The following PPP1R9A variants were observed in gnomAD, a reference collection of about 807,000 sequenced individuals.
The protein encoded by PPP1R9A is protein phosphatase 1 regulatory subunit 9A.
PPP1R9A carries 59 observed loss-of-function variants against 141.9 expected under a neutral mutation model. The observed-to-expected ratio is 0.42, with a 90% confidence interval of 0.34 to 0.52. PPP1R9A has a LOEUF of 0.52. Ranked by LOEUF, PPP1R9A falls within the 20% of genes least tolerant of loss-of-function variation. The pLI is 0.10. For missense variants in PPP1R9A, 1,444 were observed against 1,611.9 expected, an observed-to-expected ratio of 0.90 and a Z score of 1.78; for synonymous variants, 500 against 569.7, an observed-to-expected ratio of 0.88 and a Z score of 1.74.
intron 12 of PPP1R9A, among the ~76,000 whole-genome samples, chr7:95,255,570 A>G (rs1309720399): frequency 1.3e-5 from 2 of 152,286 alleles, no homozygotes; most frequent in African/African-American, 2.4e-5. Flanking sequence ...GAAAGTGGCT[A>G]CTAGGCAGAA....
chr7:94,968,864 T>C (rs1798543950), intron 2 of PPP1R9A, among the ~76,000 whole-genome samples: 1 of 152,064 alleles, frequency 6.6e-6, no homozygotes, highest in African/African-American at 2.4e-5. Context: ...TCTCTAATCT[T>C]GTCTTCATGC....
At chr7:95,011,469 C>A (rs1219777398) in intron 2 of PPP1R9A, among the ~76,000 whole-genome samples, 4 of 152,154 alleles carry the variant, frequency 2.6e-5, no homozygotes, top group Non-Finnish European at 4.4e-5. Context: ...AAAGTAATCA[C>A]TATATATGTG....
intron 2 of PPP1R9A, among the ~76,000 whole-genome samples, chr7:94,945,181 C>G (rs1209396845): frequency 1.3e-5 from 2 of 152,112 alleles, no homozygotes; most frequent in Middle Eastern, 3.4e-3. Flanking sequence ...TGTGTTAGGT[C>G]TCTCAGCTCT....
chr7:95,115,416 T>C (rs1250806328), intron 3 of PPP1R9A, among the ~76,000 whole-genome samples: 1 of 152,116 alleles, frequency 6.6e-6, no homozygotes, highest in Non-Finnish European at 1.5e-5. Flanking sequence ...AACCAGATGA[T>C]TCTATTGTAC....
chr7:95,151,484 T>G (rs532392593), intron 4 of PPP1R9A, among the ~76,000 whole-genome samples: 172 of 152,230 alleles, frequency 1.1e-3, no homozygotes, highest in Non-Finnish European at 2.0e-3. Flanking sequence ...GATGACTAAG[T>G]GGAGCACAGA....
chr7:95,215,184 T>A (rs1793066370), intron 7 of PPP1R9A, among the ~76,000 whole-genome samples: 1 of 140,914 alleles, frequency 7.1e-6, no homozygotes, highest in Admixed American at 7.7e-5. Flanking sequence ...AGTGTTCTCA[T>A]TGTTCAATTC....
At chr7:95,287,122 A>T in intron 18 of PPP1R9A, 1 of 1,613,354 alleles carries the variant, frequency 6.2e-7, no homozygotes, top group Non-Finnish European at 8.5e-7. Flanking sequence ...CCTGGATATG[A>T]TAGATGACGA....
chr7:95,193,759 C>T (rs111446181), intron 5 of PPP1R9A, among the ~76,000 whole-genome samples: 77 of 152,140 alleles, frequency 5.1e-4, no homozygotes, highest in Non-Finnish European at 9.4e-4. Context: ...TTTCTTAAGA[C>T]ACTTTCATTC....
At chr7:95,080,973 G>C (rs960178558) in intron 2 of PPP1R9A, among the ~76,000 whole-genome samples, 1 of 152,092 alleles carries the variant, frequency 6.6e-6, no homozygotes, top group Admixed American at 6.6e-5. Context: ...TTATCAGGCA[G>C]GTCAATTTAC....
intron 7 of PPP1R9A, among the ~76,000 whole-genome samples, chr7:95,213,572 C>A (rs1792610010): frequency 6.6e-6 from 1 of 152,086 alleles, no homozygotes; most frequent in African/African-American, 2.4e-5. Context: ...GATCCACCCA[C>A]CTCAGCCTTC....
At chr7:95,156,726 G>T (rs1380690281) in intron 4 of PPP1R9A, 1 of 152,302 alleles carries the variant, frequency 6.6e-6, no homozygotes, top group African/African-American at 2.4e-5. Context: ...TTAGCTCTCA[G>T]CAGAGAGGTG....
intron 2 of PPP1R9A, among the ~76,000 whole-genome samples, chr7:95,051,204 G>T (rs563343197): frequency 2.6e-5 from 4 of 151,620 alleles, no homozygotes; most frequent in Non-Finnish European, 4.4e-5. Flanking sequence ...TTCGAATAGG[G>T]ATGTCCAGTT....
At position 95,291,915 on chromosome 7, in the gene PPP1R9A, CAG is replaced by C. The variant is rs749061268; in HGVS notation, c.*1613_*1614del. On this transcript the variant is annotated 3_prime_UTR_variant, in exon 20 of 20. Coordinates refer to ENST00000433360, the MANE Select transcript of PPP1R9A (RefSeq NM_001166160.2). ...GTAGCCCCATCTTGTATTTTAATAA[CAG>C]TGTGATTTTTTTTTATCTGAAAATC... 7.4e-6 allele frequency: 1 copy of C among 135,118 alleles called. No homozygotes were observed. The highest frequency in any genetic ancestry group is 1.8e-5 in the Non-Finnish European group (1 of 55,868). The allele number at this position is 135,118 out of a possible 1,614,324, so 8.4% of individuals were successfully genotyped here.
chr7:95,284,034 C>T lies in PPP1R9A; in HGVS notation c.3313C>T (p.Leu1105=). The T allele has an allele frequency of 6.3e-7, 1 of 1,594,724 alleles. No individual in the cohort carries two copies. Among genetic ancestry groups the T allele is most frequent in the South Asian group, 1.1e-5 (1 of 90,494 alleles). ...ACAAAACAGGATCTTCAGAGGCAGA[C>T]TGGAAAACTGGACACCCAAGCCATG... ...SAGSRIFRGR[L]ENWTPKPCST... Residue 1105 remains leucine (L), a synonymous_variant, in exon 17 of 20, where the codon CTG becomes TTG. Transcript: ENST00000433360.
At chr7:94,981,983 C>T (rs1459402632) in intron 2 of PPP1R9A, among the ~76,000 whole-genome samples, 1 of 150,534 alleles carries the variant, frequency 6.6e-6, no homozygotes, top group Admixed American at 6.6e-5. Context: ...CAACCCCCCA[C>T]CCCACTACAG....
intron 2 of PPP1R9A, among the ~76,000 whole-genome samples, chr7:95,084,022 T>C (rs1306784379): frequency 6.6e-6 from 1 of 152,030 alleles, no homozygotes; most frequent in Non-Finnish European, 1.5e-5. Context: ...AGATTTCTTA[T>C]CAGGAATATT....
intron 4 of PPP1R9A, among the ~76,000 whole-genome samples, chr7:95,152,626 T>G (rs1383625120): frequency 6.6e-6 from 1 of 152,148 alleles, no homozygotes; most frequent in Non-Finnish European, 1.5e-5. Context: ...TCTGTCCCTT[T>G]TCTTGAAAAA....
rs1235891936 is a variant in PPP1R9A, at chr7:95,208,013, C to T, written c.1956+4283C>T. ...CAGTAACTGTTGATTTGGTGCAATT[C>T]TAGTAAAAATAATTTCAAAAGATTT... On this transcript the variant is annotated intron_variant, in intron 7 of 19. Transcript: ENST00000433360. Among the ~76,000 whole-genome samples the T allele has an allele frequency of 3.3e-5, 5 of 152,134 alleles. No homozygotes were observed. The South Asian group carries it at 1.0e-3, about 32-fold the overall frequency.
At chr7:95,158,056 T>C (rs916880052) in intron 4 of PPP1R9A, among the ~76,000 whole-genome samples, 1 of 152,184 alleles carries the variant, frequency 6.6e-6, no homozygotes, top group African/African-American at 2.4e-5. Context: ...AATTGCCCTA[T>C]GAAATGCAAA....
Sources: allele counts gnomAD v4.1 joint callset (sites outside exome capture counted in the v4.1 genomes callset), GRCh38; gene constraint gnomAD v4.1.1; transcripts MANE v1.5; gene names NCBI Gene and HGNC (gene_info 2026-07-23, HGNC 2026-07-21).